L3MBTL4: variants seen among roughly 807,000 people sequenced by gnomAD.
L3MBTL4 encodes the protein L3MBTL histone methyl-lysine binding protein 4.
L3MBTL4 carries 70 observed loss-of-function variants against 84.5 expected under a neutral mutation model. The ratio of observed to expected loss-of-function variants is 0.83; its 90% confidence interval spans 0.68 to 1.01. L3MBTL4 has a LOEUF of 1.01. L3MBTL4 is among the 50% of genes least tolerant of loss of function. The probability of loss-of-function intolerance (pLI) is 0.00; values close to 1 mark genes in which losing one functional copy is unlikely to be tolerated. For missense variants in L3MBTL4, 715 were observed against 754.8 expected, an observed-to-expected ratio of 0.95 and a Z score of 0.62; for synonymous variants, 274 against 259.8, an observed-to-expected ratio of 1.05 and a Z score of -0.52.
intron 16 of L3MBTL4, among the ~76,000 whole-genome samples, chr18:6,038,559 A>T (rs2056255360): frequency 6.6e-6 from 1 of 152,058 alleles, no homozygotes; most frequent in South Asian, 2.1e-4. Flanking sequence ...TGGCCTCTGG[A>T]TCATTTTTTG....
At chr18:6,310,757 T>C (rs568390176) in intron 3 of L3MBTL4, among the ~76,000 whole-genome samples, 1 of 152,312 alleles carries the variant, frequency 6.6e-6, no homozygotes, top group East Asian at 1.9e-4. Context: ...CAGGAATACA[T>C]AAAGCTGTCA....
At chr18:6,246,919 T>A (rs2047688994) in intron 5 of L3MBTL4, among the ~76,000 whole-genome samples, 2 of 152,002 alleles carry the variant, frequency 1.3e-5, no homozygotes, top group African/African-American at 4.8e-5. Flanking sequence ...AAAAAAATTA[T>A]TCCACTGGGA....
At chr18:6,052,688 A>G (rs1377529648) in intron 16 of L3MBTL4, among the ~76,000 whole-genome samples, 2 of 152,264 alleles carry the variant, frequency 1.3e-5, no homozygotes, top group Non-Finnish European at 2.9e-5. Flanking sequence ...TGAGGAAAGA[A>G]AGAGAATCTG....
chr18:6,386,213 C>T (rs2144438133), intron 1 of L3MBTL4, among the ~76,000 whole-genome samples: 1 of 152,124 alleles, frequency 6.6e-6, no homozygotes, highest in South Asian at 2.1e-4. Flanking sequence ...AGAAAGATTC[C>T]AACAAGTAGA....
rs148782694 is a variant in L3MBTL4, at chr18:6,329,637, C to T, written c.-90-17581G>A. Among the ~76,000 whole-genome samples the T allele has an allele frequency of 1.3e-3, 201 of 152,200 alleles. 1 individual carries two copies. Among genetic ancestry groups the T allele is most frequent in the African/African-American group, 4.4e-3 (182 of 41,518 alleles). On this transcript the variant is annotated intron_variant, in intron 1 of 18. Transcript: ENST00000317931. Reference sequence around the variant, plus strand: ...GGCACATCTGGTGAGGGCCTTCTTGCGGTGGGAACTGTCTACAGTGTCCCA... The same window carrying T: ...GGCACATCTGGTGAGGGCCTTCTTGTGGTGGGAACTGTCTACAGTGTCCCA...
At chr18:6,004,640 A>C (rs890677850) in intron 16 of L3MBTL4, among the ~76,000 whole-genome samples, 4 of 152,200 alleles carry the variant, frequency 2.6e-5, no homozygotes, top group African/African-American at 9.7e-5. Context: ...CAGATAAATT[A>C]TGTCATATAT....
chr18:6,192,392 C>CAT (rs2045152423), intron 12 of L3MBTL4, among the ~76,000 whole-genome samples: 1 of 152,000 alleles, frequency 6.6e-6, no homozygotes, highest in Non-Finnish European at 1.5e-5. Context: ...TAAGGGGGTG[C>CAT]TTCATTAGAA....
intron 16 of L3MBTL4, among the ~76,000 whole-genome samples, chr18:6,000,321 A>G (rs1026796663): frequency 1.3e-5 from 2 of 152,180 alleles, no homozygotes; most frequent in Admixed American, 1.3e-4. Context: ...TAAAGTAGAA[A>G]TGTGACAATT....
Position 6,185,965 on chromosome 18 carries a change from T to TTTTATTTTAC in L3MBTL4, c.982-14024_982-14023insGTAAAATAAA, listed in dbSNP as rs1555682223. On this transcript the variant is annotated intron_variant, in intron 12 of 18. Transcript: ENST00000317931. The stretch of plus-strand genomic sequence containing the variant: ...AAAACCAAAAAGGGCACTTTCTTTA[T>TTTTATTTTAC]TTTATTTTATTTTATTTTATTTTAT... Among the ~76,000 whole-genome samples the TTTTATTTTAC allele has an allele frequency of 4.3e-5, 6 of 140,186 alleles. 1 individual carries two copies. The highest frequency in any genetic ancestry group is 1.7e-4 in the African/African-American group (6 of 35,854). The allele number at this position is 140,186 out of a possible 152,430, so 92.0% of individuals were successfully genotyped here.
At chr18:6,030,030 T>G (rs540330762) in intron 16 of L3MBTL4, 14 of 985,344 alleles carry the variant, frequency 1.4e-5, no homozygotes, top group Non-Finnish European at 1.6e-5. Context: ...TGGTCACTTA[T>G]AGTGTGCCGC....
chr18:6,086,438 G>A (rs1310775530), intron 15 of L3MBTL4, among the ~76,000 whole-genome samples: 1 of 152,076 alleles, frequency 6.6e-6, no homozygotes, highest in African/African-American at 2.4e-5. Flanking sequence ...ACATGGCATG[G>A]CATCCATGGG....
chr18:6,370,803 G>A (rs867062638), intron 1 of L3MBTL4, among the ~76,000 whole-genome samples: 7 of 152,106 alleles, frequency 4.6e-5, no homozygotes, highest in Admixed American at 1.3e-4. Context: ...CAAGCAAGCC[G>A]ACTCAGAAAA....
At chr18:6,088,086 T>C (rs1568097345) in intron 15 of L3MBTL4, among the ~76,000 whole-genome samples, 1 of 152,346 alleles carries the variant, frequency 6.6e-6, no homozygotes, top group East Asian at 1.9e-4. Flanking sequence ...TGAGAAGACA[T>C]GGCATATGCA....
At chr18:6,260,584 T>C (rs1405098872) in intron 5 of L3MBTL4, 1 of 152,230 alleles carries the variant, frequency 6.6e-6, no homozygotes, top group East Asian at 1.9e-4. Context: ...TCTCTCAGCT[T>C]GAACATTATT....
chr18:6,059,346 C>T (rs560919854), intron 16 of L3MBTL4, among the ~76,000 whole-genome samples: 26 of 152,310 alleles, frequency 1.7e-4, no homozygotes, highest in African/African-American at 6.0e-4. Context: ...CGTATTAAAG[C>T]AGGTTTATTT....
chr18:6,015,110 A>G (rs1465995676), intron 16 of L3MBTL4, among the ~76,000 whole-genome samples: 1 of 152,042 alleles, frequency 6.6e-6, no homozygotes, highest in Non-Finnish European at 1.5e-5. Flanking sequence ...TGAATTTGTG[A>G]GTTAGGAGCT....
At chr18:6,215,128 G>A (rs2046269132) in intron 11 of L3MBTL4, among the ~76,000 whole-genome samples, 1 of 152,060 alleles carries the variant, frequency 6.6e-6, no homozygotes. Flanking sequence ...AGACAAGTTG[G>A]GGAACATGAA....
intron 15 of L3MBTL4, among the ~76,000 whole-genome samples, chr18:6,083,552 C>A (rs2058153302): frequency 6.6e-6 from 1 of 152,170 alleles, no homozygotes; most frequent in Admixed American, 6.5e-5. Context: ...TTGGAAATGA[C>A]TAGGCCAGTC....
chr18:5,957,670 C>A (rs2095234666), intron 18 of L3MBTL4, among the ~76,000 whole-genome samples: 1 of 151,884 alleles, frequency 6.6e-6, no homozygotes, highest in Admixed American at 6.6e-5. Context: ...ATAATACAAA[C>A]CCCAGCCAGT....
Sources: allele counts gnomAD v4.1 joint callset (sites outside exome capture counted in the v4.1 genomes callset), GRCh38; gene constraint gnomAD v4.1.1; transcripts MANE v1.5; gene names NCBI Gene and HGNC (gene_info 2026-07-23, HGNC 2026-07-21).